RAD51B: variants seen among roughly 807,000 people sequenced by gnomAD.
RAD51B encodes DNA repair protein RAD51 homolog 2.
RAD51B carries 38 observed loss-of-function variants against 42.2 expected under a neutral mutation model. The ratio of observed to expected loss-of-function variants is 0.90; its 90% CI spans 0.70 to 1.18. RAD51B has a LOEUF of 1.18. Ranked by LOEUF, RAD51B falls within the 50% of genes most tolerant of loss-of-function variation. The probability of loss-of-function intolerance (pLI) is 0.00; values close to 1 mark genes in which losing one functional copy is unlikely to be tolerated. For missense variants in RAD51B, 373 were observed against 400.7 expected (o/e 0.93, Z 0.59); for synonymous variants, 154 against 145.2 (o/e 1.06, Z -0.43).
intron 7 of RAD51B, among the ~76,000 whole-genome samples, chr14:67,946,547 T>C (rs112085169): frequency 0.015 from 2,237 of 152,286 alleles, 58 homozygotes; most frequent in African/African-American, 0.05. Flanking sequence ...TTTGTATTTT[T>C]AGTAGAGACA....
At chr14:68,089,930 G>C (rs2077061672) in intron 7 of RAD51B, among the ~76,000 whole-genome samples, 1 of 151,926 alleles carries the variant, frequency 6.6e-6, no homozygotes, top group Non-Finnish European at 1.5e-5. Flanking sequence ...ATATATGTGA[G>C]CTTTTATGCC....
At chr14:68,059,010 C>A (rs954004243) in intron 7 of RAD51B, among the ~76,000 whole-genome samples, 1 of 152,000 alleles carries the variant, frequency 6.6e-6, no homozygotes, top group African/African-American at 2.4e-5. Context: ...TATTGATAAC[C>A]CCTCTAAGCC....
At chr14:67,956,513 A>G (rs781150159) in intron 7 of RAD51B, among the ~76,000 whole-genome samples, 2 of 152,174 alleles carry the variant, frequency 1.3e-5, no homozygotes, top group Non-Finnish European at 2.9e-5. Context: ...AAAATAAAAT[A>G]AAATAAAATG....
intron 11 of RAD51B, among the ~76,000 whole-genome samples, chr14:68,651,458 C>T (rs1892696897): frequency 6.6e-6 from 1 of 152,174 alleles, no homozygotes; most frequent in Admixed American, 6.5e-5. Context: ...AGCCAGCATG[C>T]CCGGCCACAT....
intron 7 of RAD51B, among the ~76,000 whole-genome samples, chr14:67,999,306 T>C (rs1430541678): frequency 1.3e-5 from 2 of 152,202 alleles, no homozygotes; most frequent in Non-Finnish European, 2.9e-5. Flanking sequence ...AAGCTCATTA[T>C]ATGAGGAAAA....
At chr14:68,662,898 C>T (rs151227653) in intron 11 of RAD51B, among the ~76,000 whole-genome samples, 1 of 152,346 alleles carries the variant, frequency 6.6e-6, no homozygotes, top group African/African-American at 2.4e-5. Flanking sequence ...ACCCCATCCT[C>T]CTCCCCACTG....
At chr14:68,159,868 T>A (rs1375395932) in intron 7 of RAD51B, among the ~76,000 whole-genome samples, 2 of 152,196 alleles carry the variant, frequency 1.3e-5, no homozygotes, top group Admixed American at 6.5e-5. Flanking sequence ...AGCAGTCACT[T>A]ATTAACCCAA....
chr14:67,989,341 A>G (rs1374662924), intron 7 of RAD51B, among the ~76,000 whole-genome samples: 1 of 152,200 alleles, frequency 6.6e-6, no homozygotes, highest in Non-Finnish European at 1.5e-5. Flanking sequence ...CCTTGCATTT[A>G]AATATGAAAA....
At chr14:68,122,411 G>A (rs545034428) in intron 7 of RAD51B, among the ~76,000 whole-genome samples, 1 of 152,196 alleles carries the variant, frequency 6.6e-6, no homozygotes, top group South Asian at 2.1e-4. Flanking sequence ...TAAAGGATAA[G>A]GACAGATCAC....
At chr14:68,051,084 G>T (rs2076385584) in intron 7 of RAD51B, among the ~76,000 whole-genome samples, 1 of 151,698 alleles carries the variant, frequency 6.6e-6, no homozygotes, top group Non-Finnish European at 1.5e-5. Flanking sequence ...ATTCATAGTA[G>T]TGTCAAAAAT....
intron 10 of RAD51B, among the ~76,000 whole-genome samples, chr14:68,504,927 G>A (rs1469781148): frequency 6.6e-6 from 1 of 152,090 alleles, no homozygotes; most frequent in Non-Finnish European, 1.5e-5. Context: ...CCTGCAAGAG[G>A]CCAGGGCGTT....
intron 8 of RAD51B, among the ~76,000 whole-genome samples, chr14:68,389,565 T>C (rs898060420): frequency 6.6e-6 from 1 of 152,240 alleles, no homozygotes; most frequent in African/African-American, 2.4e-5. Context: ...TATATACTTA[T>C]GTTAACTTTT....
At chr14:68,001,917 G>C (rs1025541683) in intron 7 of RAD51B, among the ~76,000 whole-genome samples, 2 of 152,102 alleles carry the variant, frequency 1.3e-5, no homozygotes, top group Non-Finnish European at 2.9e-5. Flanking sequence ...TGGTGTATAC[G>C]TACCACATTT....
rs149369388 is a variant in RAD51B at position 68,131,557 on chromosome 14, G to A, written c.757-160327G>A. 1.8e-4 allele frequency among the ~76,000 whole-genome samples: 27 copies of A among 152,212 alleles called. 1 individual carries two copies. In the East Asian group the frequency reaches 5.0e-3, roughly 28 times the overall value. On this transcript the variant is annotated intron_variant, in intron 7 of 10. Transcript: ENST00000471583. ...CTAAAAATACAAAAATTAGCCAGGC[G>A]TGGTGTCATGCGTCTATAATCCCAG...
downstream of RAD51B, among the ~76,000 whole-genome samples, chr14:68,597,201 AC>A (rs1209342395): frequency 6.6e-6 from 1 of 152,218 alleles, no homozygotes; most frequent in East Asian, 1.9e-4. Flanking sequence ...GTGCTCTCCT[AC>A]AGCAGAGAAA....
intron 10 of RAD51B, among the ~76,000 whole-genome samples, chr14:68,577,214 G>A (rs1378186535): frequency 6.6e-6 from 1 of 152,152 alleles, no homozygotes; most frequent in African/African-American, 2.4e-5. Context: ...GAGACACATG[G>A]GTCCGGGAGA....
intron 7 of RAD51B, among the ~76,000 whole-genome samples, chr14:67,972,488 G>C (rs1406046792): frequency 2.0e-5 from 3 of 152,098 alleles, no homozygotes; most frequent in Non-Finnish European, 4.4e-5. Flanking sequence ...TCATGTCTAT[G>C]TCTGCCAAAG....
At chr14:68,134,071 C>T (rs1169163769) in intron 7 of RAD51B, among the ~76,000 whole-genome samples, 2 of 152,130 alleles carry the variant, frequency 1.3e-5, no homozygotes, top group East Asian at 3.9e-4. Context: ...ACTGTATTAT[C>T]AGAAGCCTCT....
intron 7 of RAD51B, among the ~76,000 whole-genome samples, chr14:67,990,652 A>G (rs1595217190): frequency 6.6e-6 from 1 of 152,226 alleles, no homozygotes; most frequent in African/African-American, 2.4e-5. Flanking sequence ...TACAAATACA[A>G]TTATTGGTTA....
Sources: allele counts gnomAD v4.1 joint callset (sites outside exome capture counted in the v4.1 genomes callset), GRCh38; gene constraint gnomAD v4.1.1; transcripts MANE v1.5; gene names NCBI Gene and HGNC (gene_info 2026-07-23, HGNC 2026-07-21).